Variants in AGBL2 observed in about 807,000 individuals in gnomAD.
The protein encoded by AGBL2 is AGBL carboxypeptidase 2, also known as cytosolic carboxypeptidase 2.
AGBL2 carries 87 observed loss-of-function variants against 103.0 expected under a neutral mutation model. That is an observed-to-expected ratio of 0.84 (90% CI 0.71 to 1.01). The LOEUF is 1.01. Among genes scored for constraint, AGBL2 ranks in the 50% least tolerant of loss-of-function variants. The pLI is 0.00. For missense variants in AGBL2, 904 were observed against 1,023.5 expected (o/e 0.88, Z 1.59); for synonymous variants, 335 against 356.7 (o/e 0.94, Z 0.69).
chr11:47,714,425 G>T, intron 2 of AGBL2, 78 bp from the exon 3 acceptor site: 1 of 1,435,372 alleles, frequency 7.0e-7, no homozygotes, highest in Non-Finnish European at 9.8e-7. Context: ...CATGAGCGTT[G>T]TTGCATAGGA....
intron 8 of AGBL2, among the ~76,000 whole-genome samples, chr11:47,696,247 TTTTGTTTG>T (rs547034725): frequency 1.4e-5 from 2 of 147,732 alleles, no homozygotes; most frequent in South Asian, 4.4e-4. Flanking sequence ...TGAGCCTGGG[TTTTGTTTG>T]TTTGTTTGTT....
intron 7 of AGBL2, among the ~76,000 whole-genome samples, chr11:47,702,910 A>G (rs1012730309): frequency 6.6e-6 from 1 of 152,058 alleles, no homozygotes; most frequent in South Asian, 2.1e-4. Flanking sequence ...TTTATTCAGT[A>G]GTATAAAGCA....
intron 17 of AGBL2, 26 bp from the exon 18 acceptor site, chr11:47,663,138 T>C: frequency 6.8e-7 from 1 of 1,473,262 alleles, no homozygotes. Context: ...ATATCCTCAC[T>C]AAATTTTCCA....
chr11:47,661,704 C>G (rs2097328433), intron 18 of AGBL2, among the ~76,000 whole-genome samples: 1 of 152,114 alleles, frequency 6.6e-6, no homozygotes, highest in Non-Finnish European at 1.5e-5. Context: ...ACAACACCCT[C>G]CTGTACACAT....
chr11:47,690,874 T>C lies in AGBL2; in HGVS notation c.849-16A>G, dbSNP rs757760920. 66 of 1,591,290 alleles carry C rather than the reference T, an allele frequency of 4.1e-5. No homozygotes were observed. The highest frequency in any genetic ancestry group is 5.5e-5 in the Non-Finnish European group (65 of 1,171,380). On this transcript the variant is annotated splice_polypyrimidine_tract_variant and intron_variant, in intron 9 of 18. Transcript: ENST00000525123. ...ATAGGTGTCTCTGTAATGGAGAAAATAGAACAACTCTGTAAGCTTACACCC... is the reference window on the plus strand; with the variant it reads ...ATAGGTGTCTCTGTAATGGAGAAAACAGAACAACTCTGTAAGCTTACACCC...
At chr11:47,661,444 A>C (rs183300108) in intron 18 of AGBL2, among the ~76,000 whole-genome samples, 8 of 152,186 alleles carry the variant, frequency 5.3e-5, no homozygotes, top group Non-Finnish European at 1.5e-5. Context: ...TTCTGTCATA[A>C]TATGGTGATT....
At chr11:47,674,357 T>C (rs1308771356) in intron 14 of AGBL2, among the ~76,000 whole-genome samples, 3 of 151,882 alleles carry the variant, frequency 2.0e-5, no homozygotes, top group African/African-American at 7.2e-5. Flanking sequence ...AGGTCAGGAG[T>C]TCGAGACCAG....
intron 14 of AGBL2, among the ~76,000 whole-genome samples, chr11:47,672,633 G>A (rs1025561226): frequency 1.3e-5 from 2 of 152,074 alleles, no homozygotes; most frequent in African/African-American, 4.8e-5. Flanking sequence ...GTTTTTGAGG[G>A]TGTATTTGGA....
intron 14 of AGBL2, among the ~76,000 whole-genome samples, chr11:47,671,086 A>G (rs986257426): frequency 6.6e-6 from 1 of 152,142 alleles, no homozygotes; most frequent in Non-Finnish European, 1.5e-5. Flanking sequence ...GCTAGGATGA[A>G]TGAAAACTTA....
At chr11:47,680,375 G>A (rs2097396802) in intron 12 of AGBL2, among the ~76,000 whole-genome samples, 1 of 151,998 alleles carries the variant, frequency 6.6e-6, no homozygotes, top group South Asian at 2.1e-4. Context: ...GCAGGAGAAT[G>A]GCGTGAATCC....
intron 4 of AGBL2, among the ~76,000 whole-genome samples, chr11:47,709,054 A>T (rs1599108105): frequency 6.6e-6 from 1 of 152,144 alleles, no homozygotes; most frequent in Non-Finnish European, 1.5e-5. Context: ...CCCGGGAGGC[A>T]GAGGTTGCAG....
chr11:47,683,327 C>G (rs111877648), intron 11 of AGBL2, among the ~76,000 whole-genome samples: 223 of 151,032 alleles, frequency 1.5e-3, no homozygotes, highest in African/African-American at 5.1e-3. Flanking sequence ...GAGCTGAGAT[C>G]GTGCCACTGA....
At chr11:47,680,649 T>C (rs2097397607) in intron 12 of AGBL2, among the ~76,000 whole-genome samples, 1 of 151,934 alleles carries the variant, frequency 6.6e-6, no homozygotes. Flanking sequence ...CGTTGTGGCA[T>C]GTGCCTATAG....
At chr11:47,675,784 T>C (rs1228090157) in intron 14 of AGBL2, among the ~76,000 whole-genome samples, 1 of 152,018 alleles carries the variant, frequency 6.6e-6, no homozygotes, top group Non-Finnish European at 1.5e-5. Flanking sequence ...GGCGGGCAGA[T>C]CCGTTGAGCT....
At position 47,690,555 on chromosome 11, in the gene AGBL2, T is replaced by C. The variant is rs2097440995; in HGVS notation, c.1152A>G (p.Pro384=). The change falls in exon 10 of 19, where the codon CCA becomes CCG. Residue 384 remains proline, a synonymous_variant. Coordinates refer to ENST00000525123, the MANE Select transcript of AGBL2 (RefSeq NM_024783.4). ...FYCLTWTIQF[P]YDQDTCFFAH... ...CAAAGAAGCAAGTGTCCTGGTCATA[T>C]GGAAACTGAATGGTCCACGTGAGAC... The C allele has an allele frequency of 1.2e-6, 2 of 1,614,212 alleles. No homozygotes were observed. The highest frequency in any genetic ancestry group is 1.7e-6 in the Non-Finnish European group (2 of 1,180,038).
Position 47,698,168 on chromosome 11 carries a change from A to ATTTTTTTT in AGBL2, c.694+1270_694+1277dup, listed in dbSNP as rs35161992. Reference sequence around the variant, plus strand: ...TGAGCCACCAAGCCCAGTCTACATAATTTTTTTTTTTTTTTTTTTTTTGAG... The same window carrying ATTTTTTTT: ...TGAGCCACCAAGCCCAGTCTACATAATTTTTTTTTTTTTTTTTTTTTTTTTTTTTTGAG... On this transcript the variant is annotated intron_variant, in intron 8 of 18. Transcript: ENST00000525123. 2.8e-3 allele frequency among the ~76,000 whole-genome samples: 223 copies of ATTTTTTTT among 79,794 alleles called. 1 individual carries two copies. Among genetic ancestry groups the ATTTTTTTT allele is most frequent in the Non-Finnish European group, 4.4e-3 (194 of 44,300 alleles). 52.3% of individuals were successfully genotyped at this position (79,794 alleles called of 152,430 possible).
At chr11:47,702,950 T>C (rs993234206) in intron 7 of AGBL2, among the ~76,000 whole-genome samples, 4 of 152,162 alleles carry the variant, frequency 2.6e-5, no homozygotes, top group Non-Finnish European at 5.9e-5. Flanking sequence ...CTAGACTTGT[T>C]CTGGTAATTA....
chr11:47,705,652 A>AAAG lies in AGBL2; in HGVS notation c.287-19_287-18insCTT. The AAAG allele has an allele frequency of 3.4e-6, 2 of 587,020 alleles. No homozygotes were observed. The highest frequency in any genetic ancestry group is 5.7e-5 in the East Asian group (2 of 35,300). The allele number at this position is 587,020 out of a possible 1,614,324, so 36.4% of individuals were successfully genotyped here. A position where few individuals can be genotyped will look rare whatever the true frequency, so the allele number is the denominator to read the frequency against. On this transcript the variant is annotated intron_variant, in intron 5 of 18. Coordinates refer to ENST00000525123, the MANE Select transcript of AGBL2 (RefSeq NM_024783.4). ...GTGAAAGTCTGTGTCAAAAAAAAAAAAAAAAGAAAAAGAAAAAGAAGAAAG... is the reference window on the plus strand; with the variant it reads ...GTGAAAGTCTGTGTCAAAAAAAAAAAAAGAAAAAGAAAAAGAAAAAGAAGAAAG...
intron 14 of AGBL2, 140 bp downstream of exon 14, chr11:47,677,131 C>T: frequency 1.6e-6 from 1 of 634,752 alleles, no homozygotes; most frequent in Non-Finnish European, 2.3e-6. Context: ...CCTCAGCCTC[C>T]CCAGTGTCTG....
Sources: gnomAD v4.1 joint callset for allele counts (sites outside exome capture counted in the v4.1 genomes callset) on GRCh38, gnomAD v4.1.1 for gene constraint, MANE v1.5 for transcripts, NCBI Gene and HGNC (gene_info 2026-07-23, HGNC 2026-07-21) for gene names.